Variants in KIF18B observed in about 807,000 individuals in gnomAD.
The protein encoded by KIF18B is kinesin-like protein KIF18B.
Under a neutral mutation model 80.9 loss-of-function variants are expected in KIF18B, and 49 were observed. That is an observed-to-expected ratio of 0.61 (90% CI 0.48 to 0.77). The LOEUF is 0.77. Among genes scored for constraint, KIF18B ranks in the 30% least tolerant of loss-of-function variants. The pLI, the probability that KIF18B is intolerant of heterozygous loss-of-function variation, is 0.00. For synonymous variants in KIF18B, 439 were observed against 463.9 expected, an observed-to-expected ratio of 0.95 and a Z score of 0.69; for missense variants, 994 against 1,127.7, an observed-to-expected ratio of 0.88 and a Z score of 1.70.
rs113333124 is a variant in KIF18B at position 44,925,490 on chromosome 17, A to G, written c.*590T>C. 6.5e-6 allele frequency: 1 copy of G among 153,616 alleles called. No homozygotes were observed. The highest frequency in any genetic ancestry group is 2.5e-5 in the African/African-American group (1 of 40,786). 9.5% of individuals were successfully genotyped at this position (153,616 alleles called of 1,614,324 possible). A position where few individuals can be genotyped will look rare whatever the true frequency, so the allele number is the denominator to read the frequency against. ...GGGAACATGGCAGCACCTTTAAAAC[A>G]GCAACACGGGCCAGGCGTGGTAGCT... is the stretch of plus-strand genomic sequence containing the variant. On this transcript the variant is annotated 3_prime_UTR_variant, in exon 16 of 16. Transcript: ENST00000593135.
In KIF18B at chr17:44,942,600, GT is replaced by G. The variant is rs145962470; in HGVS notation, c.-15+5027del. Among the ~76,000 whole-genome samples the G allele has an allele frequency of 8.4e-3, 1,274 of 152,234 alleles. 18 individuals carry two copies. The highest frequency in any genetic ancestry group is 0.029 in the African/African-American group (1,216 of 41,530). On this transcript the variant is annotated intron_variant, in intron 1 of 15. Coordinates refer to ENST00000593135, the MANE Select transcript of KIF18B (RefSeq NM_001265577.2). ...TCTCCTTCACAACCCTAATACACTT[GT>G]TTTTTTGTCCTTAAACTCCAAGAGG... is the stretch of plus-strand genomic sequence containing the variant.
chr17:44,937,284 C>T (rs192814590), intron 1 of KIF18B, among the ~76,000 whole-genome samples: 1 of 152,290 alleles, frequency 6.6e-6, no homozygotes, highest in African/African-American at 2.4e-5. Context: ...AATTGTATTA[C>T]ATTTACGTAT....
At chr17:44,932,003 C>G in intron 10 of KIF18B, 53 bp downstream of exon 10, 5 of 1,545,338 alleles carry the variant, frequency 3.2e-6, no homozygotes, top group Non-Finnish European at 4.4e-6. Context: ...TTTCCAATAT[C>G]CCACCAGCTC....
At chr17:44,940,515 TTC>T (rs2052395883) in intron 1 of KIF18B, among the ~76,000 whole-genome samples, 1 of 152,200 alleles carries the variant, frequency 6.6e-6, no homozygotes, top group African/African-American at 2.4e-5. Context: ...GGTTTTTCAT[TTC>T]TCTTTCGAAA....
intron 1 of KIF18B, among the ~76,000 whole-genome samples, chr17:44,939,575 A>T (rs2052378430): frequency 6.6e-6 from 1 of 151,950 alleles, no homozygotes; most frequent in South Asian, 2.1e-4. Flanking sequence ...TTCTATGAAA[A>T]ATCCTGCTAA....
rs775853344 is a variant in KIF18B at position 44,932,073 on chromosome 17, C to T, written c.1372G>A (p.Glu458Lys). ...AGTCCTACCTCCTCAGCTGGGCCTT[C>T]ATCCTCATCCTCTGGGGACTGCTCC... ...DQEQSPEDED[E>K]GPAEEVPTQM... Residue 458 changes from glutamate (E) to lysine (K), a missense_variant, in exon 10 of 16, where the codon GAA becomes AAA. Coordinates refer to ENST00000593135, the MANE Select transcript of KIF18B (RefSeq NM_001265577.2). 3.1e-6 allele frequency: 5 copies of T among 1,612,392 alleles called. No homozygotes were observed. Among genetic ancestry groups the T allele is most frequent in the South Asian group, 1.1e-5 (1 of 90,868 alleles).
rs1391498638 is a variant in KIF18B, at chr17:44,926,458, G to C, written c.2408C>G (p.Pro803Arg). Reference sequence around the variant, plus strand: ...AGCTGGCCTCTTCAAAGTGCTGCTGGGGAGGCGGGCGATGCGGCTGCGGCC... The same window carrying C: ...AGCTGGCCTCTTCAAAGTGCTGCTGCGGAGGCGGGCGATGCGGCTGCGGCC... ...SHGRSRIARL[P>R]SSTLKRPAGP... Residue 803 changes from proline (P) to arginine (R), a missense_variant, in exon 15 of 16, where the codon CCC (proline) becomes CGC (arginine). Coordinates refer to ENST00000593135, the MANE Select transcript of KIF18B (RefSeq NM_001265577.2). 2 of 1,589,102 alleles carry C rather than the reference G, an allele frequency of 1.3e-6. No homozygotes were observed. Among genetic ancestry groups the C allele is most frequent in the Non-Finnish European group, 1.7e-6 (2 of 1,168,838 alleles).
rs369212921 is a variant in KIF18B, at chr17:44,934,271, C to T, written c.847G>A (p.Ala283Thr). ...AAGGCATTGAGGACGTTGATGAGCG[C>T]CAGCAGAGAGCGGTTGATGTTGGCC... ...EGANINRSLL[A>T]LINVLNALAD... is the part of the protein sequence containing the mutation. Residue 283 changes from alanine to threonine, a missense_variant, in exon 6 of 16, where the codon GCG becomes ACG. Transcript: ENST00000593135. The surrounding 1 kb of genome is among the most constrained non-coding windows in gnomAD (Gnocchi z 5.4). 7.9e-5 allele frequency: 127 copies of T among 1,613,090 alleles called. 1 individual carries two copies. Among genetic ancestry groups the T allele is most frequent in the Non-Finnish European group, 8.9e-5 (105 of 1,179,780 alleles).
chr17:44,931,326 C>T (rs990090870), intron 11 of KIF18B, among the ~76,000 whole-genome samples: 2 of 152,220 alleles, frequency 1.3e-5, no homozygotes, highest in Non-Finnish European at 2.9e-5. Flanking sequence ...AAGCCCCAGC[C>T]GCCCTGCCCT....
rs1457803626 is a variant in KIF18B, at chr17:44,924,743, AT to A, written c.*1336del. 6.6e-6 allele frequency: 1 copy of A among 152,214 alleles called. No homozygotes were observed. The highest frequency in any genetic ancestry group is 1.5e-5 in the Non-Finnish European group (1 of 68,050). The allele number at this position is 152,214 out of a possible 1,614,324, so 9.4% of individuals were successfully genotyped here. A position where few individuals can be genotyped will look rare whatever the true frequency, so the allele number is the denominator to read the frequency against. ...GAGACGGTTTATTGTTATACCAAAA[AT>A]ATATGTATATATCTATATATATATG... On this transcript the variant is annotated 3_prime_UTR_variant, in exon 16 of 16. Coordinates refer to ENST00000593135, the MANE Select transcript of KIF18B (RefSeq NM_001265577.2).
Position 44,926,507 on chromosome 17 carries a change from A to T in KIF18B, c.2367-8T>A. On this transcript the variant is annotated splice_polypyrimidine_tract_variant and splice_region_variant and intron_variant, in intron 14 of 15. Transcript: ENST00000593135. ...CCATGGGAGACTGAGGAACTGAGGG[A>T]GGAAAGGAGGGAAGGTGGAAGGTTA... 1 of 1,577,902 alleles carries T rather than the reference A, an allele frequency of 6.3e-7. No homozygotes were observed. Among genetic ancestry groups the T allele is most frequent in the Non-Finnish European group, 8.6e-7 (1 of 1,164,424 alleles).
intron 9 of KIF18B, 95 bp from the exon 10 acceptor site, chr17:44,932,301 C>T (rs956524877): frequency 2.4e-5 from 34 of 1,400,046 alleles, no homozygotes; most frequent in Admixed American, 2.2e-4. Context: ...GAGCAGGGAG[C>T]GGGTGGGATC....
At chr17:44,929,921 T>C (rs527714858) in intron 11 of KIF18B, among the ~76,000 whole-genome samples, 2 of 152,308 alleles carry the variant, frequency 1.3e-5, no homozygotes, top group Admixed American at 1.3e-4. Flanking sequence ...TAATAAAGCA[T>C]ATTTTCTTTC....
intron 1 of KIF18B, among the ~76,000 whole-genome samples, chr17:44,940,732 A>G (rs1057372307): frequency 2.0e-5 from 3 of 152,216 alleles, no homozygotes; most frequent in Admixed American, 6.5e-5. Context: ...CACAAATGCC[A>G]AGGTCATTCA....
intron 1 of KIF18B, among the ~76,000 whole-genome samples, chr17:44,942,669 G>A (rs182677339): frequency 1.3e-5 from 2 of 152,332 alleles, no homozygotes; most frequent in African/African-American, 4.8e-5. Context: ...AGGTGCCTGG[G>A]CACCCGGCCC....
rs17546822 is a variant in KIF18B at position 44,931,602 on chromosome 17, T to C, written c.1517A>G (p.Gln506Arg). The change falls in exon 11 of 16, where the codon CAG becomes CGG. Residue 506 changes from glutamine (Q) to arginine (R), a missense_variant and splice_region_variant. By Grantham distance (43) the Gln-to-Arg change is conservative. Coordinates refer to ENST00000593135, the MANE Select transcript of KIF18B (RefSeq NM_001265577.2). ...ARELDGDRSK[Q>R]LALKVLCVAQ... is the part of the protein sequence containing the mutation. ...CAGAATACAGCAAGAAGATACCTAC[T>C]GCTTAGAACGGTCCCCATCCAGTTC... 0.07 allele frequency: 113,734 copies of C among 1,613,896 alleles called. 4,740 individuals carry two copies. Among genetic ancestry groups the C allele is most frequent in the Non-Finnish European group, 0.085 (100,545 of 1,179,840 alleles).
At chr17:44,935,993 G>A in intron 2 of KIF18B, 39 bp downstream of exon 2, 1 of 1,575,396 alleles carries the variant, frequency 6.3e-7, no homozygotes, top group Non-Finnish European at 8.7e-7. Context: ...GAGGAGGCAG[G>A]GAGGCCAGGC....
intron 7 of KIF18B, among the ~76,000 whole-genome samples, chr17:44,933,197 CAGGGTT>C (rs1056207238): frequency 6.6e-6 from 1 of 152,026 alleles, no homozygotes; most frequent in Non-Finnish European, 1.5e-5. Context: ...ACCTTCTTGC[CAGGGTT>C]AGGGTGTTCT....
Position 44,927,433 on chromosome 17 carries a change from G to T in KIF18B, c.2277-355C>A, listed in dbSNP as rs1427081192. Reference sequence around the variant, plus strand: ...AGAGCCTGCCAGCCTCTGCCCCACAGGTGCAGGTCAGTCTGCCACTGGTTC... The same window carrying T: ...AGAGCCTGCCAGCCTCTGCCCCACATGTGCAGGTCAGTCTGCCACTGGTTC... On this transcript the variant is annotated intron_variant, in intron 13 of 15. Transcript: ENST00000593135. The surrounding 1 kb of genome is among the most constrained non-coding windows in gnomAD (Gnocchi z 4.1). Among the ~76,000 whole-genome samples the T allele has an allele frequency of 6.6e-6, 1 of 152,224 alleles. No individual in the cohort carries two copies. The highest frequency in any genetic ancestry group is 1.5e-5 in the Non-Finnish European group (1 of 68,026).
Sources: allele counts gnomAD v4.1 joint callset (sites outside exome capture counted in the v4.1 genomes callset), GRCh38; gene constraint gnomAD v4.1.1; non-coding constraint Gnocchi (gnomAD v3.1); transcripts MANE v1.5; gene names NCBI Gene and HGNC (gene_info 2026-07-23, HGNC 2026-07-21).